The following LAMA2 variants were observed in gnomAD, a reference collection of about 807,000 sequenced individuals.
The protein encoded by LAMA2 is laminin subunit alpha-2.
A neutral mutation model predicts 364.8 loss-of-function variants in LAMA2; 269 were observed. That is an observed-to-expected ratio of 0.74 (90% confidence interval 0.67 to 0.82). The LOEUF is 0.82. Among genes scored for constraint, LAMA2 ranks in the 40% least tolerant of loss-of-function variants. LAMA2 has a pLI of 0.00. For synonymous variants in LAMA2, 1,379 were observed against 1,370.6 expected (o/e 1.01, Z -0.14); for missense variants, 3,807 against 3,873.2 (o/e 0.98, Z 0.45).
chr6:129,240,450 A>G (rs1161215216), intron 12 of LAMA2, among the ~76,000 whole-genome samples: 1 of 152,178 alleles, frequency 6.6e-6, no homozygotes, highest in Non-Finnish European at 1.5e-5. Flanking sequence ...TATACTTGAT[A>G]GGCCTTCAAA....
At chr6:129,489,453 C>G (rs1190745335) in intron 56 of LAMA2, among the ~76,000 whole-genome samples, 1 of 152,194 alleles carries the variant, frequency 6.6e-6, no homozygotes, top group Non-Finnish European at 1.5e-5. Flanking sequence ...GCTTTGTCCT[C>G]TGATCCTTCT....
intron 12 of LAMA2, among the ~76,000 whole-genome samples, chr6:129,243,509 A>C (rs1261999969): frequency 6.6e-6 from 1 of 151,770 alleles, no homozygotes; most frequent in African/African-American, 2.4e-5. Context: ...ATGAGTGAGT[A>C]ATCCTGTGAG....
At chr6:129,442,291 G>A in intron 43 of LAMA2, 4 of 1,119,046 alleles carry the variant, frequency 3.6e-6, no homozygotes, top group African/African-American at 1.6e-5. Flanking sequence ...GCAAGGAAGA[G>A]TACAAACACA....
intron 3 of LAMA2, among the ~76,000 whole-genome samples, chr6:129,062,484 G>A (rs1788990919): frequency 6.6e-6 from 1 of 151,984 alleles, no homozygotes; most frequent in African/African-American, 2.4e-5. Context: ...AAGAAATATT[G>A]CACTATCTTC....
intron 14 of LAMA2, among the ~76,000 whole-genome samples, chr6:129,257,503 CT>C (rs1786780621): frequency 6.6e-6 from 1 of 152,064 alleles, no homozygotes; most frequent in Non-Finnish European, 1.5e-5. Flanking sequence ...AAGTAGTCAA[CT>C]GCTCATTCTT....
chr6:129,070,856 C>T (rs1773265658), intron 3 of LAMA2, among the ~76,000 whole-genome samples: 1 of 152,084 alleles, frequency 6.6e-6, no homozygotes, highest in Non-Finnish European at 1.5e-5. Context: ...CTAAGTGAAG[C>T]ATGTACACAG....
intron 9 of LAMA2, among the ~76,000 whole-genome samples, chr6:129,174,885 T>A (rs1416993306): frequency 1.3e-5 from 2 of 152,218 alleles, no homozygotes; most frequent in Non-Finnish European, 2.9e-5. Context: ...TTATTCTGTA[T>A]CTTCAACTGT....
intron 1 of LAMA2, among the ~76,000 whole-genome samples, chr6:128,888,985 C>T (rs1430528337): frequency 6.6e-6 from 1 of 152,184 alleles, no homozygotes; most frequent in African/African-American, 2.4e-5. Context: ...TCCACTTCAA[C>T]CATCTTATCA....
At position 129,059,905 on chromosome 6, in the gene LAMA2, C is replaced by T. The variant is rs777060073; in HGVS notation, c.396+9C>T. 5.5e-6 allele frequency: 8 copies of T among 1,442,630 alleles called. No individual in the cohort carries two copies. In the South Asian group the frequency reaches 9.1e-5, roughly 16 times the overall value. 89.4% of individuals were successfully genotyped at this position (1,442,630 alleles called of 1,614,324 possible). A position where few individuals can be genotyped will look rare whatever the true frequency, so the allele number is the denominator to read the frequency against. On this transcript the variant is annotated intron_variant, in intron 3 of 64. Coordinates refer to ENST00000421865, the MANE Select transcript of LAMA2 (RefSeq NM_000426.4). ...CCCTGGATTTACAGCAGGTATAGTT[C>T]CTCTTTTTTTGTCATTTCCACTTTT...
At chr6:129,037,789 C>T (rs1465074350) in intron 1 of LAMA2, among the ~76,000 whole-genome samples, 2 of 151,966 alleles carry the variant, frequency 1.3e-5, no homozygotes, top group Non-Finnish European at 2.9e-5. Context: ...CCCGCCTCAG[C>T]CTCCCGAGTA....
At chr6:129,308,960 A>T (rs192936864) in intron 22 of LAMA2, among the ~76,000 whole-genome samples, 1 of 152,326 alleles carries the variant, frequency 6.6e-6, no homozygotes, top group East Asian at 1.9e-4. Context: ...CATGATCCAA[A>T]CACCTCCCAC....
At chr6:128,973,437 A>G (rs929551159) in intron 1 of LAMA2, among the ~76,000 whole-genome samples, 2 of 152,188 alleles carry the variant, frequency 1.3e-5, no homozygotes, top group African/African-American at 4.8e-5. Context: ...TTAAAAATAG[A>G]AGCTAGATTT....
At chr6:128,987,331 A>C (rs1193263497) in intron 1 of LAMA2, among the ~76,000 whole-genome samples, 1 of 151,182 alleles carries the variant, frequency 6.6e-6, no homozygotes. Context: ...TTTGGTAGAG[A>C]CGGGTTTCAC....
chr6:129,235,508 T>C (rs1486207718), intron 12 of LAMA2, among the ~76,000 whole-genome samples: 1 of 152,180 alleles, frequency 6.6e-6, no homozygotes, highest in African/African-American at 2.4e-5. Context: ...TTTGAGAGTA[T>C]GAGAAAGTGT....
At chr6:129,512,641 G>A in intron 63 of LAMA2, 148 bp downstream of exon 63, 1 of 912,302 alleles carries the variant, frequency 1.1e-6, no homozygotes, top group African/African-American at 1.6e-5. Flanking sequence ...CATCCTTCTG[G>A]ATTACTTCAA....
At position 129,514,394 on chromosome 6, in the gene LAMA2, G is replaced by A. The variant is rs1264844768; in HGVS notation, c.9010G>A (p.Gly3004Ser). 1 of 1,613,638 alleles carries A rather than the reference G, an allele frequency of 6.2e-7. No individual in the cohort carries two copies. The change falls in exon 64 of 65, where the codon GGT (glycine) becomes AGT (serine). Residue 3004 changes from glycine (G) to serine (S), a missense_variant. By Grantham distance (56) the Gly-to-Ser change is moderately conservative. This residue lies in a region of LAMA2 where 3,333 missense variants were observed against 3,345.7 expected (regional missense o/e 1.00). Coordinates refer to ENST00000421865, the MANE Select transcript of LAMA2 (RefSeq NM_000426.4). The stretch of plus-strand genomic sequence containing the variant: ...CCAGTTGATGTTTCATGTGGACAAT[G>A]GTGCGGGCAGATTCACTGCTGTCTA... ...DEKLMFHVDN[G>S]AGRFTAVYDA...
intron 4 of LAMA2, among the ~76,000 whole-genome samples, chr6:129,111,820 T>C (rs1776177756): frequency 6.6e-6 from 1 of 151,988 alleles, no homozygotes; most frequent in African/African-American, 2.4e-5. Context: ...TTAAATTTTG[T>C]AGGGAAGGGG....
chr6:129,368,136 A>G (rs542772015), intron 33 of LAMA2, among the ~76,000 whole-genome samples: 2 of 152,214 alleles, frequency 1.3e-5, no homozygotes, highest in East Asian at 1.9e-4. Context: ...ACTAATCCCA[A>G]TCATGAAGGC....
In LAMA2 at chr6:129,316,036, A is replaced by G. The variant is rs752183158; in HGVS notation, c.3925-2A>G. On this transcript the variant is annotated splice_acceptor_variant, in intron 26 of 64. Transcript: ENST00000421865. LOFTEE classifies it high-confidence loss of function. ...CATAGTGATTTCTCTTCTTGTTAAC[A>G]GAAAGAATGGAAATATTATGGGGAT... 6.2e-7 allele frequency: 1 copy of G among 1,614,130 alleles called. No homozygotes were observed. Among genetic ancestry groups the G allele is most frequent in the African/African-American group, 1.3e-5 (1 of 75,048 alleles).
Sources: gnomAD v4.1 joint callset for allele counts (sites outside exome capture counted in the v4.1 genomes callset) on GRCh38, gnomAD v4.1.1 for gene constraint, gnomAD v4.1.1 regional missense constraint, MANE v1.5 for transcripts, NCBI Gene and HGNC (gene_info 2026-07-23, HGNC 2026-07-21) for gene names.